Variants in SLC25A43 observed in about 807,000 individuals in gnomAD.
SLC25A43 encodes the protein solute carrier family 25 member 43.
In SLC25A43, 10 loss-of-function variants were observed where a neutral mutation model predicts 22.8. That is an observed-to-expected ratio of 0.44 (90% CI 0.27 to 0.74). The LOEUF (loss-of-function observed/expected upper bound fraction) is 0.74, where lower values mean the gene tolerates loss of function less well. Ranked by LOEUF, SLC25A43 falls within the 30% of genes least tolerant of loss-of-function variation. SLC25A43 has a pLI of 0.17. For synonymous variants in SLC25A43, 106 were observed against 121.6 expected (o/e 0.87, Z 0.84); for missense variants, 233 against 279.1 (o/e 0.83, Z 1.18).
At chrX:119,449,976 A>G (rs1226713926) in intron 3 of SLC25A43, among the ~76,000 whole-genome samples, 1 of 111,260 alleles carries the variant, frequency 9.0e-6, no homozygotes, top group Non-Finnish European at 1.9e-5. Flanking sequence ...CACTGAGATA[A>G]GAAATACAGA....
chrX:119,421,428 C>T (rs939628867), intron 3 of SLC25A43, among the ~76,000 whole-genome samples: 3 of 112,008 alleles, frequency 2.7e-5, no homozygotes, highest in African/African-American at 9.7e-5. Flanking sequence ...AAACAAAACA[C>T]ACATTCGTAT....
intron 3 of SLC25A43, among the ~76,000 whole-genome samples, chrX:119,431,593 A>AT (rs1569373314): frequency 8.9e-6 from 1 of 112,096 alleles, no homozygotes; most frequent in Non-Finnish European, 1.9e-5. Context: ...GTGCTAGGCC[A>AT]TGTCTTTATT....
Position 119,429,473 on chromosome X carries a change from T to C in SLC25A43, c.690+19111T>C, listed in dbSNP as rs775207696. On this transcript the variant is annotated intron_variant, in intron 3 of 4. Transcript: ENST00000217909. ...TTATCACAGGAATAATCAAGTGCTT[T>C]GCTTTTAAGTCTTTGTTCTTTATTT... 2.7e-5 allele frequency among the ~76,000 whole-genome samples: 3 copies of C among 112,253 alleles called. No individual in the cohort carries two copies. The South Asian group carries it at 1.1e-3, about 41-fold the overall frequency.
intron 3 of SLC25A43, among the ~76,000 whole-genome samples, chrX:119,410,601 C>T (rs1156703236): frequency 8.9e-6 from 1 of 111,947 alleles, no homozygotes; most frequent in Non-Finnish European, 1.9e-5. Context: ...TTTAAGAAGC[C>T]TCCAGGCTAG....
In SLC25A43 at chrX:119,451,810, G is replaced by A. The variant is rs991548114; in HGVS notation, c.691-199G>A. On this transcript the variant is annotated intron_variant, in intron 3 of 4. Coordinates refer to ENST00000217909, the MANE Select transcript of SLC25A43 (RefSeq NM_145305.3). ...AAAATAAACGACAAATATATGGACA[G>A]GGTATCATGATTGTATTGCACGTTA... The A allele has an allele frequency of 7.6e-6, 8 of 1,048,357 alleles. No homozygotes were observed. The African/African-American group carries it at 1.2e-4, about 15-fold the overall frequency. The allele number at this position is 1,048,357 out of a possible 1,213,427, so 86.4% of individuals were successfully genotyped here. A position where few individuals can be genotyped will look rare whatever the true frequency, so the allele number is the denominator to read the frequency against.
chrX:119,453,195 T>C lies in SLC25A43; in HGVS notation c.*130T>C. On this transcript the variant is annotated 3_prime_UTR_variant, in exon 5 of 5. Transcript: ENST00000217909. ...CTGCTGCTCTGGGAAATGAGATGGTTTGGCCATGCACCACCTCAGATCTCC... is the reference window on the plus strand; with the variant it reads ...CTGCTGCTCTGGGAAATGAGATGGTCTGGCCATGCACCACCTCAGATCTCC... 1 of 567,522 alleles carries C rather than the reference T, an allele frequency of 1.8e-6. No individual in the cohort carries two copies. Among genetic ancestry groups the C allele is most frequent in the Non-Finnish European group, 2.8e-6 (1 of 352,004 alleles). 46.8% of individuals were successfully genotyped at this position (567,522 alleles called of 1,213,427 possible). A position where few individuals can be genotyped will look rare whatever the true frequency, so the allele number is the denominator to read the frequency against.
intron 3 of SLC25A43, among the ~76,000 whole-genome samples, chrX:119,435,143 AAAT>A: frequency 9.0e-6 from 1 of 111,353 alleles, no homozygotes; most frequent in Middle Eastern, 4.6e-3. Flanking sequence ...CCAACTTAAA[AAAT>A]ATTTTTTTAA....
At chrX:119,405,508 C>T (rs751103284) in intron 1 of SLC25A43, among the ~76,000 whole-genome samples, 52 of 99,813 alleles carry the variant, frequency 5.2e-4, no homozygotes, top group Non-Finnish European at 7.7e-4. Flanking sequence ...CCTGTAATCC[C>T]GGCACTTTGA....
chrX:119,413,654 C>T (rs1201355850), intron 3 of SLC25A43, among the ~76,000 whole-genome samples: 1 of 107,539 alleles, frequency 9.3e-6, no homozygotes, highest in Admixed American at 1.0e-4. Context: ...TTGCGGTGAG[C>T]CGAGATTGCA....
chrX:119,432,689 G>A (rs1023325421), intron 3 of SLC25A43, among the ~76,000 whole-genome samples: 5 of 109,389 alleles, frequency 4.6e-5, no homozygotes, highest in African/African-American at 1.7e-4. Flanking sequence ...CTTGGAGGCT[G>A]GGGCAGGAGA....
chrX:119,446,919 A>C (rs900691290), intron 3 of SLC25A43, among the ~76,000 whole-genome samples: 1 of 111,964 alleles, frequency 8.9e-6, no homozygotes, highest in Non-Finnish European at 1.9e-5. Context: ...TCTTTGAAAG[A>C]GTTGTCTATA....
At chrX:119,399,778 G>A (rs1012481158) in intron 1 of SLC25A43, 100 bp downstream of exon 1, 18 of 889,515 alleles carry the variant, frequency 2.0e-5, no homozygotes, top group Non-Finnish European at 2.4e-5. Flanking sequence ...CGGGGCCCTG[G>A]AGTAGGGACG....
intron 3 of SLC25A43, among the ~76,000 whole-genome samples, chrX:119,425,547 C>G (rs1374518789): frequency 1.9e-5 from 2 of 107,562 alleles, no homozygotes; most frequent in African/African-American, 6.8e-5. Flanking sequence ...ATTTTCAACT[C>G]TCTGCTGTCA....
At chrX:119,421,986 G>T (rs2052458057) in intron 3 of SLC25A43, among the ~76,000 whole-genome samples, 1 of 111,701 alleles carries the variant, frequency 9.0e-6, no homozygotes, top group African/African-American at 3.3e-5. Flanking sequence ...TGCAATCTCG[G>T]CTCACTGCAA....
At chrX:119,449,141 C>T (rs940902232) in intron 3 of SLC25A43, among the ~76,000 whole-genome samples, 5 of 110,634 alleles carry the variant, frequency 4.5e-5, no homozygotes, top group Admixed American at 3.9e-4. Context: ...AGGCCGGGCA[C>T]GGTGGCTCAT....
intron 3 of SLC25A43, among the ~76,000 whole-genome samples, chrX:119,441,578 C>T (rs1183188828): frequency 1.8e-5 from 2 of 111,347 alleles, no homozygotes; most frequent in African/African-American, 6.5e-5. Flanking sequence ...TAAAAGCTTA[C>T]TGAATTTTCC....
chrX:119,433,540 T>C (rs1028728553), intron 3 of SLC25A43, among the ~76,000 whole-genome samples: 11 of 112,059 alleles, frequency 9.8e-5, no homozygotes. Context: ...GGGGCCAAAT[T>C]GTAAAGGGTT....
At chrX:119,451,715 G>C in intron 3 of SLC25A43, 6 of 633,785 alleles carry the variant, frequency 9.5e-6, no homozygotes, top group Non-Finnish European at 1.2e-5. Context: ...ATCATGTCCA[G>C]AAGGCACAGG....
intron 3 of SLC25A43, among the ~76,000 whole-genome samples, chrX:119,441,791 T>A (rs911174262): frequency 9.0e-6 from 1 of 111,655 alleles, no homozygotes; most frequent in Non-Finnish European, 1.9e-5. Flanking sequence ...ATCTGATTTT[T>A]AAAAATCACT....
Sources: gnomAD v4.1 joint callset for allele counts (sites outside exome capture counted in the v4.1 genomes callset) on GRCh38, gnomAD v4.1.1 for gene constraint, MANE v1.5 for transcripts, NCBI Gene and HGNC (gene_info 2026-07-23, HGNC 2026-07-21) for gene names.